FOXO3: variants seen among roughly 807,000 people sequenced by gnomAD.
The protein encoded by FOXO3 is forkhead box protein O3.
In FOXO3, 4 loss-of-function variants were observed where a neutral mutation model predicts 41.9. That is an observed-to-expected ratio of 0.10 (90% CI 0.05 to 0.22). The LOEUF (loss-of-function observed/expected upper bound fraction) is 0.22, where lower values mean the gene tolerates loss of function less well. Among genes scored for constraint, FOXO3 ranks in the 10% least tolerant of loss-of-function variants. The pLI is 1.00. For missense variants in FOXO3, 534 were observed against 906.8 expected, an observed-to-expected ratio of 0.59 and a Z score of 5.28; for synonymous variants, 318 against 389.3, an observed-to-expected ratio of 0.82 and a Z score of 2.16.
intron 1 of FOXO3, chr6:108,656,325 A>G: frequency 1.0e-6 from 1 of 983,198 alleles, no homozygotes. Context: ...CAGGGGAAGC[A>G]CATGCAGCTG....
intron 1 of FOXO3, among the ~76,000 whole-genome samples, chr6:108,608,851 C>T (rs540692368): frequency 6.6e-6 from 1 of 152,280 alleles, no homozygotes; most frequent in South Asian, 2.1e-4. Context: ...CTCTATCCCT[C>T]CCCTCCCAGA....
chr6:108,630,109 T>C (rs565159521), intron 1 of FOXO3, among the ~76,000 whole-genome samples: 17 of 152,268 alleles, frequency 1.1e-4, no homozygotes, highest in Non-Finnish European at 1.9e-4. Context: ...AGACCACAAG[T>C]GGCTTCAGAG....
chr6:108,665,456 G>T (rs769336361), intron 2 of FOXO3, among the ~76,000 whole-genome samples: 3 of 152,126 alleles, frequency 2.0e-5, no homozygotes, highest in African/African-American at 4.8e-5. Context: ...TCTAACAGAA[G>T]CAAAATCTGT....
In FOXO3 at chr6:108,582,741, C is replaced by T. The variant is rs139142126; in HGVS notation, c.621+20912C>T. ...CTGTATATTAAGATGGGAAAGCTGA[C>T]TCTGACCCAGGAAAAACAGGACGGT... On this transcript the variant is annotated intron_variant, in intron 1 of 2. Coordinates refer to ENST00000406360, the MANE Select transcript of FOXO3 (RefSeq NM_001455.4). Among the ~76,000 whole-genome samples, 6 of 151,978 alleles carry T rather than the reference C, an allele frequency of 3.9e-5. No individual in the cohort carries two copies. In the East Asian group the frequency reaches 9.7e-4, roughly 25 times the overall value.
intron 1 of FOXO3, among the ~76,000 whole-genome samples, chr6:108,599,661 T>C (rs906876168): frequency 6.6e-6 from 1 of 152,170 alleles, no homozygotes; most frequent in Non-Finnish European, 1.5e-5. Flanking sequence ...CCCATTCTCC[T>C]TTAAGAAAAA....
chr6:108,590,817 C>T lies in FOXO3; in HGVS notation c.621+28988C>T, dbSNP rs79375388. On this transcript the variant is annotated intron_variant, in intron 1 of 2. Transcript: ENST00000406360. Reference sequence around the variant, plus strand: ...CAAATATGGTTTTAAAAATATGCAACTTTTCTCATTTTAGTATTGGGATTG... The same window carrying T: ...CAAATATGGTTTTAAAAATATGCAATTTTTCTCATTTTAGTATTGGGATTG... Among the ~76,000 whole-genome samples the T allele has an allele frequency of 2.0e-5, 3 of 152,198 alleles. No individual in the cohort carries two copies. In the South Asian group the frequency reaches 6.2e-4, roughly 31 times the overall value.
At chr6:108,608,602 C>T (rs1220067112) in intron 1 of FOXO3, among the ~76,000 whole-genome samples, 5 of 152,154 alleles carry the variant, frequency 3.3e-5, no homozygotes, top group East Asian at 1.9e-4. Flanking sequence ...ATATCAGAAA[C>T]CAAAGAGCCA....
intron 1 of FOXO3, among the ~76,000 whole-genome samples, chr6:108,604,638 A>C (rs566359902): frequency 2.0e-5 from 3 of 152,208 alleles, no homozygotes; most frequent in Non-Finnish European, 4.4e-5. Flanking sequence ...AATTTGAACA[A>C]CAACCAGTGA....
At chr6:108,562,635 T>G (rs1218943285) in intron 1 of FOXO3, among the ~76,000 whole-genome samples, 1 of 152,094 alleles carries the variant, frequency 6.6e-6, no homozygotes, top group Non-Finnish European at 1.5e-5. Context: ...CTGCGCTTCA[T>G]TCACTCTGGC....
At chr6:108,665,290 G>A (rs1779016196) in intron 2 of FOXO3, among the ~76,000 whole-genome samples, 1 of 152,162 alleles carries the variant, frequency 6.6e-6, no homozygotes, top group Admixed American at 6.5e-5. Flanking sequence ...CCCAGCCAAA[G>A]GGCTTTCCTA....
chr6:108,585,640 T>C (rs1158907517), intron 1 of FOXO3, among the ~76,000 whole-genome samples: 4 of 152,234 alleles, frequency 2.6e-5, no homozygotes, highest in African/African-American at 9.6e-5. Context: ...GCTGGGAGTC[T>C]GCAAGGTGTG....
intron 1 of FOXO3, among the ~76,000 whole-genome samples, chr6:108,580,329 C>G (rs1776379291): frequency 6.6e-6 from 1 of 151,658 alleles, no homozygotes; most frequent in Non-Finnish European, 1.5e-5. Flanking sequence ...GCTGGGATTA[C>G]AGGTGCCCAC....
At chr6:108,676,574 A>C (rs1019827690) in intron 2 of FOXO3, among the ~76,000 whole-genome samples, 1 of 152,242 alleles carries the variant, frequency 6.6e-6, no homozygotes, top group African/African-American at 2.4e-5. Flanking sequence ...CTAGAAGAGC[A>C]TCGACACATA....
intron 1 of FOXO3, among the ~76,000 whole-genome samples, chr6:108,658,453 C>CA (rs1254740857): frequency 6.6e-6 from 1 of 152,142 alleles, no homozygotes; most frequent in East Asian, 1.9e-4. Context: ...GAGAGTCAAG[C>CA]AAAGATTGGC....
Position 108,561,225 on chromosome 6 carries a change from C to G in FOXO3, c.17C>G (p.Ala6Gly). 1 of 1,548,630 alleles carries G rather than the reference C, an allele frequency of 6.5e-7. No individual in the cohort carries two copies. The highest frequency in any genetic ancestry group is 8.7e-7 in the Non-Finnish European group (1 of 1,149,018). Residue 6 changes from alanine (A) to glycine (G), a missense_variant, in exon 1 of 3, where the codon GCT (alanine) becomes GGT (glycine). Transcript: ENST00000406360. MAEAP[A>G]SPAPLSPLEV... ...GCGGCGAAGATGGCAGAGGCACCGG[C>G]TTCCCCGGCCCCGCTCTCTCCGCTC...
At chr6:108,628,099 G>A (rs992962647) in intron 1 of FOXO3, among the ~76,000 whole-genome samples, 1 of 151,554 alleles carries the variant, frequency 6.6e-6, no homozygotes, top group African/African-American at 2.4e-5. Context: ...GTTGGTAAAA[G>A]CATCTGGAAA....
At chr6:108,584,437 G>T (rs1776519385) in intron 1 of FOXO3, among the ~76,000 whole-genome samples, 1 of 152,144 alleles carries the variant, frequency 6.6e-6, no homozygotes, top group Non-Finnish European at 1.5e-5. Flanking sequence ...AAGGAAAAGT[G>T]ATAAAAAAAC....
At chr6:108,564,282 A>C (rs1057079519) in intron 1 of FOXO3, among the ~76,000 whole-genome samples, 1 of 152,256 alleles carries the variant, frequency 6.6e-6, no homozygotes, top group Admixed American at 6.5e-5. Context: ...TATGACTAAT[A>C]GGCAACCTTT....
chr6:108,653,217 G>A lies in FOXO3; in HGVS notation c.622-10238G>A, dbSNP rs1033527453. 3.9e-5 allele frequency among the ~76,000 whole-genome samples: 6 copies of A among 152,304 alleles called. 1 individual carries two copies. In the South Asian group the frequency reaches 1.2e-3, roughly 32 times the overall value. ...ATGTTTTATCACATCTCATGTTAAA[G>A]TATAATTCAGGTCTATTTTGTGGCT... On this transcript the variant is annotated intron_variant, in intron 1 of 2. Coordinates refer to ENST00000406360, the MANE Select transcript of FOXO3 (RefSeq NM_001455.4).
Sources: gnomAD v4.1 joint callset for allele counts (sites outside exome capture counted in the v4.1 genomes callset) on GRCh38, gnomAD v4.1.1 for gene constraint, MANE v1.5 for transcripts, NCBI Gene and HGNC (gene_info 2026-07-23, HGNC 2026-07-21) for gene names.